Variants in CFAP299 observed in about 807,000 individuals in gnomAD.
CFAP299 encodes the protein cilia- and flagella-associated protein 299.
A neutral mutation model predicts 27.0 loss-of-function variants in CFAP299; 21 were observed. The observed-to-expected ratio is 0.78, with a 90% CI of 0.55 to 1.12. The LOEUF is 1.12. Ranked by LOEUF, CFAP299 falls within the 50% of genes most tolerant of loss-of-function variation. CFAP299 has a pLI of 0.00. For synonymous variants in CFAP299, 104 were observed against 98.1 expected (o/e 1.06, Z -0.36); for missense variants, 310 against 276.6 (o/e 1.12, Z -0.86).
chr4:80,799,419 A>T (rs1275957225), intron 3 of CFAP299, among the ~76,000 whole-genome samples: 1 of 92,302 alleles, frequency 1.1e-5, no homozygotes, highest in Non-Finnish European at 1.8e-5. Context: ...ACATATAAGT[A>T]ATATTTATAA....
chr4:80,959,860 A>G (rs575658288), intron 5 of CFAP299, among the ~76,000 whole-genome samples: 77 of 152,096 alleles, frequency 5.1e-4, no homozygotes, highest in Middle Eastern at 3.4e-3. Flanking sequence ...TTTGATTAAA[A>G]TAAGATCAGG....
intron 4 of CFAP299, among the ~76,000 whole-genome samples, chr4:80,897,183 G>A (rs1181814402): frequency 2.6e-5 from 4 of 152,070 alleles, no homozygotes; most frequent in East Asian, 1.9e-4. Context: ...AAACAGCAAG[G>A]TGTACTACTG....
At chr4:80,905,112 T>C (rs952245986) in intron 4 of CFAP299, among the ~76,000 whole-genome samples, 4 of 152,200 alleles carry the variant, frequency 2.6e-5, no homozygotes, top group Admixed American at 6.5e-5. Context: ...CCTATCCTTT[T>C]TAGGTTGAAG....
intron 2 of CFAP299, among the ~76,000 whole-genome samples, chr4:80,458,442 A>T (rs1199017687): frequency 4.6e-5 from 7 of 152,152 alleles, no homozygotes; most frequent in Non-Finnish European, 1.0e-4. Flanking sequence ...TTTAACTTTT[A>T]AAAAAATCTT....
intron 3 of CFAP299, among the ~76,000 whole-genome samples, chr4:80,844,341 A>G (rs1301807283): frequency 6.6e-6 from 1 of 152,186 alleles, no homozygotes; most frequent in African/African-American, 2.4e-5. Context: ...TGACTTCCAC[A>G]GTGGTTGAAC....
intron 2 of CFAP299, among the ~76,000 whole-genome samples, chr4:80,540,726 T>G (rs1352049490): frequency 6.6e-6 from 1 of 152,198 alleles, no homozygotes; most frequent in Non-Finnish European, 1.5e-5. Flanking sequence ...ATATATATTT[T>G]CCATGTGTAG....
At chr4:80,962,979 T>A (rs566134286) in intron 5 of CFAP299, among the ~76,000 whole-genome samples, 30 of 151,912 alleles carry the variant, frequency 2.0e-4, no homozygotes, top group Middle Eastern at 3.4e-3. Context: ...TAATTTTTTT[T>A]AAAAAAGATG....
At position 80,340,317 on chromosome 4, in the gene CFAP299, C is replaced by T. The variant is rs187523766; in HGVS notation, c.111+4438C>T. 3.2e-3 allele frequency among the ~76,000 whole-genome samples: 483 copies of T among 152,310 alleles called. 4 individuals carry two copies. Among genetic ancestry groups the T allele is most frequent in the African/African-American group, 0.011 (447 of 41,566 alleles). ...CAACCCACAGATCAGGAGATCCCCT[C>T]AGGAGGCCACTTTACCAGGGCCTTC... On this transcript the variant is annotated intron_variant, in intron 1 of 5. Coordinates refer to ENST00000358105, the MANE Select transcript of CFAP299 (RefSeq NM_152770.3).
At chr4:80,581,453 G>GATAGATATATATATAT (rs1212459486) in intron 2 of CFAP299, among the ~76,000 whole-genome samples, 1 of 103,016 alleles carries the variant, frequency 9.7e-6, no homozygotes, top group African/African-American at 6.3e-5. Context: ...TATTAAGTGA[G>GATAGATATATATATAT]ATATATATAT....
chr4:80,679,547 T>C (rs1279917293), intron 3 of CFAP299, among the ~76,000 whole-genome samples: 1 of 152,004 alleles, frequency 6.6e-6, no homozygotes, highest in African/African-American at 2.4e-5. Context: ...CAACAATGTA[T>C]TAGATACAGT....
At chr4:80,775,349 A>T (rs1726474571) in intron 3 of CFAP299, among the ~76,000 whole-genome samples, 1 of 152,034 alleles carries the variant, frequency 6.6e-6, no homozygotes, top group Non-Finnish European at 1.5e-5. Flanking sequence ...TGCTTCTCGT[A>T]TATCTAAGAG....
intron 1 of CFAP299, among the ~76,000 whole-genome samples, chr4:80,347,670 T>G (rs563845655): frequency 3.3e-5 from 5 of 152,288 alleles, no homozygotes; most frequent in Middle Eastern, 3.4e-3. Flanking sequence ...TGCTCATGGA[T>G]AGGAAGAATT....
At chr4:80,811,165 A>G (rs1729134668) in intron 3 of CFAP299, among the ~76,000 whole-genome samples, 1 of 152,126 alleles carries the variant, frequency 6.6e-6, no homozygotes, top group Non-Finnish European at 1.5e-5. Context: ...AGATATGTCT[A>G]ATATTCAATT....
intron 1 of CFAP299, among the ~76,000 whole-genome samples, chr4:80,346,922 A>G (rs1022763264): frequency 6.6e-6 from 1 of 152,108 alleles, no homozygotes; most frequent in Non-Finnish European, 1.5e-5. Context: ...ATGTTCTTCC[A>G]TTTGTTTGTG....
intron 3 of CFAP299, among the ~76,000 whole-genome samples, chr4:80,830,339 A>T (rs967263018): frequency 6.6e-6 from 1 of 152,128 alleles, no homozygotes; most frequent in Non-Finnish European, 1.5e-5. Flanking sequence ...AGTCCATAGA[A>T]AAATATTTAA....
At chr4:80,532,709 A>G (rs1340071397) in intron 2 of CFAP299, among the ~76,000 whole-genome samples, 1 of 152,186 alleles carries the variant, frequency 6.6e-6, no homozygotes, top group African/African-American at 2.4e-5. Flanking sequence ...CATGTTAACT[A>G]CTGTTATTGT....
At chr4:80,624,288 T>A (rs1407406150) in intron 3 of CFAP299, among the ~76,000 whole-genome samples, 1 of 151,620 alleles carries the variant, frequency 6.6e-6, no homozygotes, top group African/African-American at 2.4e-5. Flanking sequence ...ATGATAATAA[T>A]AGAGAGACTG....
At chr4:80,403,667 C>G (rs951491713) in intron 2 of CFAP299, among the ~76,000 whole-genome samples, 2 of 152,158 alleles carry the variant, frequency 1.3e-5, no homozygotes, top group African/African-American at 4.8e-5. Context: ...CAGTCACATA[C>G]TACAACATTG....
intron 3 of CFAP299, among the ~76,000 whole-genome samples, chr4:80,767,557 C>T (rs895564525): frequency 9.9e-5 from 15 of 152,062 alleles, no homozygotes; most frequent in African/African-American, 2.7e-4. Context: ...TGCAGTGAGC[C>T]GAGATCGCCC....
Sources: allele counts gnomAD v4.1 joint callset (sites outside exome capture counted in the v4.1 genomes callset), GRCh38; gene constraint gnomAD v4.1.1; transcripts MANE v1.5; gene names NCBI Gene and HGNC (gene_info 2026-07-23, HGNC 2026-07-21).